Variants in MORC4 observed in about 807,000 individuals in gnomAD.
The protein encoded by MORC4 is MORC family CW-type zinc finger 4, also known as MORC family CW-type zinc finger protein 4.
A neutral mutation model predicts 65.5 loss-of-function variants in MORC4; 22 were observed. The observed-to-expected ratio is 0.34, with a 90% CI of 0.24 to 0.48. The LOEUF (loss-of-function observed/expected upper bound fraction) is 0.48. MORC4 is among the 20% of genes least tolerant of loss of function. MORC4 has a pLI of 0.99. For synonymous variants in MORC4, 267 were observed against 255.8 expected (o/e 1.04, Z -0.42); for missense variants, 624 against 703.0 (o/e 0.89, Z 1.27).
intron 9 of MORC4, among the ~76,000 whole-genome samples, chrX:106,963,892 CA>C (rs1299770926): frequency 3.8e-5 from 4 of 105,040 alleles, no homozygotes; most frequent in Non-Finnish European, 5.8e-5. Flanking sequence ...ACAACAACAA[CA>C]AAAAAAAACC....
chrX:106,955,272 A>C (rs1934081326), intron 13 of MORC4, among the ~76,000 whole-genome samples, 184 bp from the exon 14 acceptor site: 1 of 111,090 alleles, frequency 9.0e-6, no homozygotes, highest in Non-Finnish European at 1.9e-5. Flanking sequence ...TCAGTTATCA[A>C]CCTTATCAGC....
intron 1 of MORC4, 37 bp downstream of exon 1, chrX:106,999,831 C>CCG: frequency 1.1e-6 from 1 of 870,091 alleles, no homozygotes; most frequent in Non-Finnish European, 1.4e-6. Context: ...GCCCAGGGGC[C>CCG]CGCGCGCGCG....
chrX:106,980,660 CAA>C (rs1211462727), intron 7 of MORC4, among the ~76,000 whole-genome samples: 6 of 111,011 alleles, frequency 5.4e-5, no homozygotes, highest in Non-Finnish European at 1.1e-4. Context: ...CCAGAATCTC[CAA>C]AGTCTCAAGA....
intron 2 of MORC4, 148 bp from the exon 3 acceptor site, chrX:106,993,510 G>A: frequency 2.0e-6 from 1 of 488,278 alleles, no homozygotes; most frequent in Admixed American, 4.2e-5. Flanking sequence ...TAACGGTAGT[G>A]CACTTACTAA....
intron 3 of MORC4, among the ~76,000 whole-genome samples, chrX:106,987,502 TAA>T (rs1404616861): frequency 2.7e-5 from 3 of 112,036 alleles, no homozygotes; most frequent in Non-Finnish European, 5.6e-5. Context: ...CCATTTTTAA[TAA>T]GAGACATGAT....
chrX:106,973,229 CCATT>C (rs1048254500), intron 9 of MORC4, among the ~76,000 whole-genome samples: 4 of 111,788 alleles, frequency 3.6e-5, no homozygotes, highest in African/African-American at 1.3e-4. Flanking sequence ...AGTTTCTCCC[CCATT>C]CAAACAAGAA....
In MORC4 at chrX:106,958,374, T is replaced by A. The variant is rs1934158740; in HGVS notation, c.1347A>T (p.Ala449=). The A allele has an allele frequency of 8.3e-7, 1 of 1,204,497 alleles. No individual in the cohort carries two copies. Among genetic ancestry groups the A allele is most frequent in the African/African-American group, 1.8e-5 (1 of 57,013 alleles). Residue 449 remains alanine (A), a synonymous_variant, in exon 11 of 17, where the codon GCA becomes GCT. Transcript: ENST00000355610. The part of the protein sequence containing the change: ...PGKIDPSMLP[A]RWFCYYNSHP... ...GGGAATTATAATAACAAAACCATCT[T>A]GCAGGTAACATGGATGGATCAATCT...
chrX:106,960,219 A>G (rs1424698234), intron 10 of MORC4, among the ~76,000 whole-genome samples: 1 of 112,261 alleles, frequency 8.9e-6, no homozygotes, highest in Non-Finnish European at 1.9e-5. Flanking sequence ...TGCATAGGAG[A>G]GTCTCTTGCA....
At chrX:106,967,787 A>C (rs1934409818) in intron 9 of MORC4, among the ~76,000 whole-genome samples, 1 of 111,994 alleles carries the variant, frequency 8.9e-6, no homozygotes, top group Non-Finnish European at 1.9e-5. Context: ...AAAAGAAACA[A>C]ACAAAGCCTC....
intron 5 of MORC4, among the ~76,000 whole-genome samples, chrX:106,984,465 CTTTTTTTT>C (rs762110163): frequency 1.1e-4 from 8 of 71,370 alleles, no homozygotes; most frequent in Non-Finnish European, 9.9e-5. Flanking sequence ...TTTCTTTTTT[CTTTTTTTT>C]TTTTTTTTTT....
chrX:106,949,888 G>A (rs1383580020), intron 14 of MORC4, among the ~76,000 whole-genome samples: 1 of 112,165 alleles, frequency 8.9e-6, no homozygotes, highest in Non-Finnish European at 1.9e-5. Context: ...GCATAGCATT[G>A]AACATGTACA....
At chrX:106,997,372 C>A (rs1935100788) in intron 2 of MORC4, among the ~76,000 whole-genome samples, 1 of 111,614 alleles carries the variant, frequency 9.0e-6, no homozygotes, top group African/African-American at 3.3e-5. Context: ...TACACTGCTG[C>A]AAGACTGACT....
intron 8 of MORC4, among the ~76,000 whole-genome samples, chrX:106,977,109 G>T (rs1934640582): frequency 8.9e-6 from 1 of 112,038 alleles, no homozygotes; most frequent in South Asian, 3.7e-4. Flanking sequence ...TAAGGGTTCT[G>T]TGTGATCCTA....
rs969923462 is a variant in MORC4, at chrX:106,957,007, G to A, written c.1386-3C>T. 15 of 1,164,061 alleles carry A rather than the reference G, an allele frequency of 1.3e-5. No homozygotes were observed. The highest frequency in any genetic ancestry group is 2.4e-4 in the Middle Eastern group (1 of 4,215). Reference sequence around the variant, plus strand: ...GTTCCTCTGGAACAGAGCATCTCCTGCAGTACAGAGAATAAATCATCCTTT... The same window carrying A: ...GTTCCTCTGGAACAGAGCATCTCCTACAGTACAGAGAATAAATCATCCTTT... On this transcript the variant is annotated splice_polypyrimidine_tract_variant and splice_region_variant and intron_variant, in intron 11 of 16. Coordinates refer to ENST00000355610, the MANE Select transcript of MORC4 (RefSeq NM_024657.5).
intron 14 of MORC4, among the ~76,000 whole-genome samples, chrX:106,949,058 G>A (rs557076736): frequency 1.3e-4 from 15 of 111,412 alleles, no homozygotes; most frequent in Non-Finnish European, 1.7e-4. Flanking sequence ...ATTTCATGGC[G>A]TTCCACATTT....
intron 7 of MORC4, among the ~76,000 whole-genome samples, chrX:106,980,368 A>T (rs1015230051): frequency 9.0e-6 from 1 of 111,247 alleles, no homozygotes; most frequent in Admixed American, 9.6e-5. Context: ...TCACTCTAGA[A>T]AATCACCTTT....
In MORC4 at chrX:106,943,084, C is replaced by T. The variant is rs769964255; in HGVS notation, c.1807G>A (p.Val603Ile). ...CTGTTCTCCCCTTCTGGGTAGGCAA[C>T]AGGTGCTTCTACCCTCCTGTAAGGA... ...PAPYRRVEAP[V>I]AYPEGENSHD... is the part of the protein sequence containing the mutation. The change falls in exon 15 of 17, where the codon GTT (valine) becomes ATT (isoleucine). Residue 603 changes from valine (V) to isoleucine (I), a missense_variant. Coordinates refer to ENST00000355610, the MANE Select transcript of MORC4 (RefSeq NM_024657.5). 12 of 1,210,963 alleles carry T rather than the reference C, an allele frequency of 9.9e-6. No individual in the cohort carries two copies. In the South Asian group the frequency reaches 1.4e-4, roughly 14 times the overall value.
chrX:106,989,459 A>T (rs1389816818), intron 3 of MORC4, among the ~76,000 whole-genome samples: 1 of 112,697 alleles, frequency 8.9e-6, no homozygotes, highest in Non-Finnish European at 1.9e-5. Flanking sequence ...AAAGAGTTGG[A>T]AAGTGTGGAC....
At chrX:106,978,242 C>T (rs1402517810) in intron 7 of MORC4, 43 bp from the exon 8 acceptor site, 2 of 1,162,197 alleles carry the variant, frequency 1.7e-6, no homozygotes, top group Non-Finnish European at 2.3e-6. Context: ...CCAGGGGCTT[C>T]AACGACAAAA....
Sources: allele counts gnomAD v4.1 joint callset (sites outside exome capture counted in the v4.1 genomes callset), GRCh38; gene constraint gnomAD v4.1.1; transcripts MANE v1.5; gene names NCBI Gene and HGNC (gene_info 2026-07-23, HGNC 2026-07-21).